The following PTPRD variants were observed in gnomAD, a reference collection of about 807,000 sequenced individuals.
PTPRD encodes the protein protein tyrosine phosphatase receptor type D.
In PTPRD, 34 loss-of-function variants were observed where a neutral mutation model predicts 214.5. The observed-to-expected ratio is 0.16, with a 90% CI of 0.12 to 0.21. PTPRD has a LOEUF of 0.21. Ranked by LOEUF, PTPRD falls within the 10% of genes least tolerant of loss-of-function variation. The pLI is 1.00. For missense variants in PTPRD, 2,545 were observed against 2,398.7 expected (o/e 1.06, Z -1.27); for synonymous variants, 1,128 against 845.7 (o/e 1.33, Z -5.79).
chr9:10,323,570 T>C (rs960708462), intron 3 of PTPRD, among the ~76,000 whole-genome samples: 5 of 151,520 alleles, frequency 3.3e-5, no homozygotes, highest in African/African-American at 1.2e-4. Flanking sequence ...CCTCCCAAAG[T>C]AACTGCAACT....
intron 2 of PTPRD, among the ~76,000 whole-genome samples, chr9:10,428,468 C>G (rs1041346096): frequency 1.3e-5 from 2 of 151,898 alleles, no homozygotes; most frequent in Non-Finnish European, 2.9e-5. Flanking sequence ...ATGTTGCAAA[C>G]AGTTATTTTT....
At chr9:9,016,856 A>G (rs751932170) in intron 11 of PTPRD, among the ~76,000 whole-genome samples, 12 of 152,132 alleles carry the variant, frequency 7.9e-5, no homozygotes, top group Admixed American at 6.6e-5. Context: ...TCCTGTCACT[A>G]GGCAGTATTC....
At chr9:10,286,860 A>G (rs2095372928) in intron 3 of PTPRD, among the ~76,000 whole-genome samples, 1 of 152,064 alleles carries the variant, frequency 6.6e-6, no homozygotes, top group East Asian at 1.9e-4. Flanking sequence ...CAGCCTCCCA[A>G]AGTGCTGAGA....
chr9:9,661,740 C>G (rs2096625854), intron 7 of PTPRD, among the ~76,000 whole-genome samples: 1 of 151,454 alleles, frequency 6.6e-6, no homozygotes, highest in Non-Finnish European at 1.5e-5. Context: ...AAGATGTTTA[C>G]ATTTTAGTCA....
At chr9:8,474,339 A>G (rs1442732876) in intron 30 of PTPRD, among the ~76,000 whole-genome samples, 1 of 151,708 alleles carries the variant, frequency 6.6e-6, no homozygotes, top group Admixed American at 6.6e-5. Context: ...TTTTTTCTCC[A>G]AACTCTGTCA....
At chr9:8,486,490 C>T (rs916619292) in intron 27 of PTPRD, 141 bp from the exon 28 acceptor site, 5 of 792,082 alleles carry the variant, frequency 6.3e-6, no homozygotes, top group Non-Finnish European at 9.0e-6. Context: ...AATGTTTGAC[C>T]TACATACCTT....
chr9:9,820,964 T>C (rs990805128), intron 5 of PTPRD, among the ~76,000 whole-genome samples: 21 of 152,198 alleles, frequency 1.4e-4, no homozygotes, highest in African/African-American at 4.8e-4. Context: ...TTGGCTATTT[T>C]TTGGTTCCAT....
intron 5 of PTPRD, among the ~76,000 whole-genome samples, chr9:9,880,043 G>A (rs969477205): frequency 2.6e-5 from 4 of 152,212 alleles, no homozygotes; most frequent in South Asian, 2.1e-4. Context: ...CCCACATGTC[G>A]AGGGGGGGAC....
intron 11 of PTPRD, among the ~76,000 whole-genome samples, chr9:8,990,902 C>T (rs1213932742): frequency 1.3e-5 from 2 of 151,960 alleles, no homozygotes; most frequent in South Asian, 4.1e-4. Context: ...GCCTATACTT[C>T]ATTGAACCTA....
intron 11 of PTPRD, among the ~76,000 whole-genome samples, chr9:8,977,238 C>T (rs186713247): frequency 1.3e-5 from 2 of 152,134 alleles, no homozygotes; most frequent in East Asian, 3.9e-4. Flanking sequence ...CAAATTTTAA[C>T]CTTTTGCAAA....
chr9:9,953,842 G>C (rs1274311598), intron 4 of PTPRD, among the ~76,000 whole-genome samples: 1 of 152,162 alleles, frequency 6.6e-6, no homozygotes, highest in African/African-American at 2.4e-5. Context: ...TATGCTACAT[G>C]ATGCCCAGAA....
At chr9:9,813,360 T>C (rs990100760) in intron 5 of PTPRD, among the ~76,000 whole-genome samples, 1 of 140,972 alleles carries the variant, frequency 7.1e-6, no homozygotes, top group Non-Finnish European at 1.5e-5. Context: ...TGAGAGTTTC[T>C]AAAGAAAAAC....
intron 2 of PTPRD, among the ~76,000 whole-genome samples, chr9:10,371,320 A>G (rs1172322847): frequency 1.3e-5 from 2 of 152,044 alleles, no homozygotes. Flanking sequence ...GGTTTATGCT[A>G]CTATCGTTGG....
At chr9:9,695,697 A>G (rs577710865) in intron 7 of PTPRD, among the ~76,000 whole-genome samples, 11 of 152,134 alleles carry the variant, frequency 7.2e-5, no homozygotes, top group Admixed American at 5.9e-4. Flanking sequence ...GTGATGCATC[A>G]TGTTCACTGT....
chr9:8,845,365 T>C (rs1481330503), intron 11 of PTPRD, among the ~76,000 whole-genome samples: 1 of 152,216 alleles, frequency 6.6e-6, no homozygotes, highest in Non-Finnish European at 1.5e-5. Flanking sequence ...GTCATTTGAA[T>C]ACAGTATTTA....
At chr9:10,042,462 T>C (rs894903068) in intron 3 of PTPRD, among the ~76,000 whole-genome samples, 85 of 152,026 alleles carry the variant, frequency 5.6e-4, no homozygotes, top group African/African-American at 2.0e-3. Context: ...GAACCCAGAA[T>C]TCTGCTAGCC....
chr9:9,772,249 A>G (rs2098757865), intron 5 of PTPRD, among the ~76,000 whole-genome samples: 1 of 152,086 alleles, frequency 6.6e-6, no homozygotes, highest in Non-Finnish European at 1.5e-5. Context: ...AGACAAGGAG[A>G]AAGACTCTCA....
intron 7 of PTPRD, among the ~76,000 whole-genome samples, chr9:9,598,668 T>G (rs1156882175): frequency 6.6e-6 from 1 of 152,006 alleles, no homozygotes; most frequent in East Asian, 1.9e-4. Context: ...TTTACAAAAT[T>G]TATATCCTAT....
chr9:9,719,324 G>A (rs1480736882), intron 7 of PTPRD, among the ~76,000 whole-genome samples: 1 of 152,086 alleles, frequency 6.6e-6, no homozygotes. Context: ...CATGGGACAA[G>A]AACTCAAGAT....
Sources: allele counts gnomAD v4.1 joint callset (sites outside exome capture counted in the v4.1 genomes callset), GRCh38; gene constraint gnomAD v4.1.1; transcripts MANE v1.5; gene names NCBI Gene and HGNC (gene_info 2026-07-23, HGNC 2026-07-21).